Variants in CLTCL1 observed in about 807,000 individuals in gnomAD.
The protein encoded by CLTCL1 is clathrin heavy chain 2.
CLTCL1 carries 159 observed loss-of-function variants against 190.0 expected under a neutral mutation model. The observed-to-expected ratio is 0.84, with a 90% CI of 0.74 to 0.95. CLTCL1 has a LOEUF of 0.95. Among genes scored for constraint, CLTCL1 ranks in the 40% least tolerant of loss-of-function variants. CLTCL1 has a pLI of 0.00. For synonymous variants in CLTCL1, 752 were observed against 769.6 expected (o/e 0.98, Z 0.38); for missense variants, 1,878 against 2,033.4 (o/e 0.92, Z 1.47).
chr22:19,271,849 G>A (rs1267209041), intron 2 of CLTCL1, among the ~76,000 whole-genome samples: 2 of 152,194 alleles, frequency 1.3e-5, no homozygotes, highest in African/African-American at 2.4e-5. Flanking sequence ...GCTCACATCA[G>A]TAGTCTCAGG....
chr22:19,187,530 T>C, intron 29 of CLTCL1, 28 bp downstream of exon 29: 2 of 1,593,548 alleles, frequency 1.3e-6, no homozygotes, highest in Non-Finnish European at 1.7e-6. Flanking sequence ...GGCAGGAAGG[T>C]GGGAGGAAAC....
At chr22:19,272,369 G>A (rs189274890) in intron 2 of CLTCL1, among the ~76,000 whole-genome samples, 435 of 152,334 alleles carry the variant, frequency 2.9e-3, no homozygotes, top group Non-Finnish European at 3.7e-3. Context: ...GGGCAATGAC[G>A]TGGGCTGAGT....
In CLTCL1 at chr22:19,199,857, C is replaced by T; in HGVS notation, c.3766-16G>A. ...CAAAGCACACCTAGGGGACGGAGGG[C>T]AAGCGTGAGGGTCCCCAAGACAGGA... On this transcript the variant is annotated splice_polypyrimidine_tract_variant and intron_variant, in intron 23 of 32. Transcript: ENST00000427926. 1 of 1,562,882 alleles carries T rather than the reference C, an allele frequency of 6.4e-7. No individual in the cohort carries two copies. Among genetic ancestry groups the T allele is most frequent in the Non-Finnish European group, 8.7e-7 (1 of 1,150,056 alleles).
At chr22:19,204,445 T>C (rs1164975232) in intron 22 of CLTCL1, among the ~76,000 whole-genome samples, 1 of 152,172 alleles carries the variant, frequency 6.6e-6, no homozygotes, top group Non-Finnish European at 1.5e-5. Context: ...ATGTCCACTG[T>C]CACACCCACA....
At chr22:19,257,908 C>T (rs1450593414) in intron 2 of CLTCL1, 6 of 1,290,588 alleles carry the variant, frequency 4.6e-6, no homozygotes, top group African/African-American at 1.5e-5. Context: ...TGGGCCATTA[C>T]TTCAAGACCA....
chr22:19,260,629 A>G (rs1197708886), intron 2 of CLTCL1, among the ~76,000 whole-genome samples: 1 of 151,926 alleles, frequency 6.6e-6, no homozygotes, highest in East Asian at 1.9e-4. Context: ...AATACAAAAA[A>G]TTAGCCGGGC....
chr22:19,199,666 C>T (rs1449443381), intron 24 of CLTCL1, 68 bp downstream of exon 24: 5 of 1,189,840 alleles, frequency 4.2e-6, no homozygotes, highest in African/African-American at 3.0e-5. Flanking sequence ...AGGGGATGAC[C>T]GTGCCTCTCT....
chr22:19,180,649 G>A, intron 31 of CLTCL1, 82 bp downstream of exon 31: 1 of 1,414,586 alleles, frequency 7.1e-7, no homozygotes, highest in South Asian at 1.2e-5. Context: ...CCCATCCAAA[G>A]CCCAGCCAGG....
At position 19,233,536 on chromosome 22, in the gene CLTCL1, GA is replaced by G. The variant is rs781844255; in HGVS notation, c.1253del (p.Phe418SerfsTer16). 3.1e-6 allele frequency: 5 copies of G among 1,613,962 alleles called. No individual in the cohort carries two copies. On this transcript the variant is annotated frameshift_variant, in exon 8 of 33. Transcript: ENST00000427926. LOFTEE classifies it high-confidence loss of function. ...SGQASPLLQY[F>X]GILLDQGQLN... is the part of the protein sequence containing the mutation. ...GCTGACCCTGGTCGAGCAGGATTCC[GA>G]AGTACTGCAGCAATGGAGAAGCCTG... is the stretch of plus-strand genomic sequence containing the variant.
intron 1 of CLTCL1, among the ~76,000 whole-genome samples, chr22:19,277,152 T>C (rs1178833689): frequency 2.0e-5 from 3 of 152,206 alleles, no homozygotes; most frequent in African/African-American, 7.2e-5. Context: ...CTGTTCATAC[T>C]GAGAGTATAA....
chr22:19,217,208 C>T (rs542809021), intron 18 of CLTCL1, among the ~76,000 whole-genome samples: 85 of 152,270 alleles, frequency 5.6e-4, no homozygotes, highest in African/African-American at 2.0e-3. Context: ...GGAGCTCTCC[C>T]AGCAGCTAAG....
chr22:19,282,270 A>G (rs2087743441), intron 1 of CLTCL1, among the ~76,000 whole-genome samples: 1 of 151,840 alleles, frequency 6.6e-6, no homozygotes, highest in South Asian at 2.1e-4. Context: ...CGGAGGCTGC[A>G]GTGAGCCAAG....
At chr22:19,212,716 G>T (rs932117086) in intron 19 of CLTCL1, among the ~76,000 whole-genome samples, 1 of 152,176 alleles carries the variant, frequency 6.6e-6, no homozygotes. Context: ...CTGGCCAATT[G>T]ATTTTTGACA....
chr22:19,207,606 C>A lies in CLTCL1; in HGVS notation c.3600+548G>T. ...CCCCATGCCACGGACCGCTGCTGGT[C>A]TGTGGCCTGTTAGGAATCACGCCCC... On this transcript the variant is annotated intron_variant, in intron 22 of 32. Transcript: ENST00000427926. 7.3e-6 allele frequency: 3 copies of A among 413,116 alleles called. No homozygotes were observed. The South Asian group carries it at 3.3e-4, about 45-fold the overall frequency. The allele number at this position is 413,116 out of a possible 1,614,324, so 25.6% of individuals were successfully genotyped here. A position where few individuals can be genotyped will look rare whatever the true frequency, so the allele number is the denominator to read the frequency against.
At chr22:19,243,901 G>A (rs2086338895) in intron 3 of CLTCL1, among the ~76,000 whole-genome samples, 1 of 151,950 alleles carries the variant, frequency 6.6e-6, no homozygotes, top group Admixed American at 6.6e-5. Flanking sequence ...GTTTCACCAT[G>A]TTGGCCAGGA....
intron 26 of CLTCL1, among the ~76,000 whole-genome samples, chr22:19,193,404 G>A (rs543696424): frequency 6.6e-6 from 1 of 152,336 alleles, no homozygotes; most frequent in East Asian, 1.9e-4. Flanking sequence ...AGGAGGAATG[G>A]AGCGGCGGGG....
rs782589131 is a variant in CLTCL1, at chr22:19,183,533, T to G, written c.4684A>C (p.Lys1562Gln). The G allele has an allele frequency of 1.2e-6, 2 of 1,613,784 alleles. No individual in the cohort carries two copies. Among genetic ancestry groups the G allele is most frequent in the Non-Finnish European group, 1.7e-6 (2 of 1,179,870 alleles). Residue 1562 changes from lysine to glutamine, a missense_variant, in exon 30 of 33, where the codon AAG (lysine) becomes CAG (glutamine). Physicochemically the swap from Lys to Gln is moderately conservative, Grantham distance 53 (BLOSUM62 1). Coordinates refer to ENST00000427926, the MANE Select transcript of CLTCL1 (RefSeq NM_007098.4). ...AGACAAGCTGCGAAGCACTCCCTCT[T>G]GCCTTCCTCCAGGAACCACTGCAGC... The part of the protein sequence containing the change: ...KLLQWFLEEG[K>Q]RECFAACLFT...
At chr22:19,255,899 G>C (rs2146102913) in intron 2 of CLTCL1, among the ~76,000 whole-genome samples, 1 of 139,492 alleles carries the variant, frequency 7.2e-6, no homozygotes, top group South Asian at 2.3e-4. Context: ...GACAGAGTAA[G>C]ACTCTGTCTC....
At chr22:19,191,879 T>C (rs1300476138) in intron 26 of CLTCL1, among the ~76,000 whole-genome samples, 1 of 152,158 alleles carries the variant, frequency 6.6e-6, no homozygotes, top group African/African-American at 2.4e-5. Flanking sequence ...ACCAGAGCTT[T>C]TGAGCTGAAA....
Sources: gnomAD v4.1 joint callset for allele counts (sites outside exome capture counted in the v4.1 genomes callset) on GRCh38, gnomAD v4.1.1 for gene constraint, MANE v1.5 for transcripts, NCBI Gene and HGNC (gene_info 2026-07-23, HGNC 2026-07-21) for gene names.